Variants in RBM27 observed in about 807,000 individuals in gnomAD.
RBM27 encodes RNA-binding protein 27.
Under a neutral mutation model 135.3 loss-of-function variants are expected in RBM27, and 22 were observed. That is an observed-to-expected ratio of 0.16 (90% CI 0.12 to 0.23). The LOEUF (loss-of-function observed/expected upper bound fraction) is 0.23, where lower values mean the gene tolerates loss of function less well. Among genes scored for constraint, RBM27 ranks in the 10% least tolerant of loss-of-function variants. The pLI, the probability that RBM27 is intolerant of heterozygous loss-of-function variation, is 1.00. For synonymous variants in RBM27, 481 were observed against 442.4 expected, an observed-to-expected ratio of 1.09 and a Z score of -1.10; for missense variants, 1,009 against 1,281.0, an observed-to-expected ratio of 0.79 and a Z score of 3.24.
At position 146,267,688 on chromosome 5, in the gene RBM27, T is replaced by C. The variant is rs1024370976; in HGVS notation, c.2371T>C (p.Ser791Pro). ...AGGCCATCCAAAAATGATTTACAGC[T>C]CCTCAAACTTAAAGACACCTTCAAA... is the stretch of plus-strand genomic sequence containing the variant. ...TPGHPKMIYS[S>P]SNLKTPSKLC... Residue 791 changes from serine to proline, a missense_variant, in exon 15 of 21, where the codon TCC becomes CCC. By Grantham distance (74) the Ser-to-Pro change is moderately conservative (BLOSUM62 -1). This residue lies in a region of RBM27 where 355 missense variants were observed against 427.3 expected (regional missense o/e 0.83). Transcript: ENST00000265271. 11 of 1,601,198 alleles carry C rather than the reference T, an allele frequency of 6.9e-6. No homozygotes were observed. In the African/African-American group the frequency reaches 8.1e-5, roughly 12 times the overall value.
At chr5:146,263,442 G>C in intron 13 of RBM27, 49 bp from the exon 14 acceptor site, 1 of 1,549,106 alleles carries the variant, frequency 6.5e-7, no homozygotes, top group Non-Finnish European at 8.8e-7. Flanking sequence ...ACCATTTCTA[G>C]GCATGTTTTT....
intron 1 of RBM27, among the ~76,000 whole-genome samples, chr5:146,211,389 T>G (rs1755937567): frequency 6.6e-6 from 1 of 151,112 alleles, no homozygotes; most frequent in Non-Finnish European, 1.5e-5. Context: ...TACCAATATA[T>G]GTGTATCTTT....
At chr5:146,208,159 G>A (rs1755782832) in intron 1 of RBM27, among the ~76,000 whole-genome samples, 1 of 151,736 alleles carries the variant, frequency 6.6e-6, no homozygotes, top group Non-Finnish European at 1.5e-5. Context: ...GTTTCACCAC[G>A]TTGGTCAGGC....
At chr5:146,237,150 G>T in intron 7 of RBM27, 148 bp from the exon 8 acceptor site, 1 of 790,372 alleles carries the variant, frequency 1.3e-6, no homozygotes, top group South Asian at 1.7e-5. Flanking sequence ...TGTTGGTCAG[G>T]CTGGTCTCGA....
chr5:146,280,759 C>A (rs903291351), intron 19 of RBM27, among the ~76,000 whole-genome samples: 1 of 152,178 alleles, frequency 6.6e-6, no homozygotes, highest in African/African-American at 2.4e-5. Flanking sequence ...CTCATGAGCC[C>A]GTTTTCAGCT....
At chr5:146,261,447 G>T in intron 12 of RBM27, 63 bp from the exon 13 acceptor site, 1 of 1,352,098 alleles carries the variant, frequency 7.4e-7, no homozygotes, top group South Asian at 1.3e-5. Flanking sequence ...ACATAGCAGT[G>T]GGTCATAATT....
At chr5:146,239,832 T>C (rs553402564) in intron 8 of RBM27, among the ~76,000 whole-genome samples, 2 of 149,088 alleles carry the variant, frequency 1.3e-5, no homozygotes, top group East Asian at 4.0e-4. Context: ...GGCTGAAGTG[T>C]GGTGGTGCCA....
chr5:146,205,527 G>T (rs148554927), intron 1 of RBM27, among the ~76,000 whole-genome samples: 116 of 152,198 alleles, frequency 7.6e-4, no homozygotes, highest in African/African-American at 2.7e-3. Context: ...ATCTCTTTCA[G>T]TGAAAATGAC....
At chr5:146,278,334 A>G (rs1279203716) in intron 19 of RBM27, among the ~76,000 whole-genome samples, 2 of 152,144 alleles carry the variant, frequency 1.3e-5, no homozygotes, top group African/African-American at 4.8e-5. Context: ...ATATATATGT[A>G]TTTTATTTGA....
intron 3 of RBM27, among the ~76,000 whole-genome samples, chr5:146,228,539 C>T (rs1169802940): frequency 2.0e-5 from 3 of 152,012 alleles, no homozygotes; most frequent in African/African-American, 7.3e-5. Context: ...GCCCCGGCCA[C>T]CCAAAGTGCT....
intron 20 of RBM27, among the ~76,000 whole-genome samples, chr5:146,285,122 G>T (rs1251463602): frequency 3.3e-5 from 5 of 151,974 alleles, no homozygotes; most frequent in African/African-American, 1.2e-4. Flanking sequence ...GTGTACAATT[G>T]GTTAAAATCA....
At chr5:146,215,744 C>T (rs1416686680) in intron 1 of RBM27, among the ~76,000 whole-genome samples, 1 of 151,920 alleles carries the variant, frequency 6.6e-6, no homozygotes. Context: ...CCAGGGTAAG[C>T]ATGGCATGTG....
chr5:146,269,650 A>G, intron 17 of RBM27, 66 bp downstream of exon 17: 2 of 1,154,766 alleles, frequency 1.7e-6, no homozygotes, highest in Non-Finnish European at 2.3e-6. Context: ...TGACACCTTG[A>G]AAGTACAATG....
At chr5:146,241,930 A>G (rs1757421920) in intron 8 of RBM27, among the ~76,000 whole-genome samples, 1 of 152,150 alleles carries the variant, frequency 6.6e-6, no homozygotes, top group South Asian at 2.1e-4. Flanking sequence ...AGAATAAAAG[A>G]TAATCTTTTT....
chr5:146,279,278 T>C (rs942982092), intron 19 of RBM27, among the ~76,000 whole-genome samples: 10 of 150,840 alleles, frequency 6.6e-5, no homozygotes, highest in Admixed American at 5.3e-4. Flanking sequence ...TGAAACCCCA[T>C]CTCTACTAAG....
At chr5:146,270,217 G>T (rs1758803804) in intron 17 of RBM27, among the ~76,000 whole-genome samples, 1 of 152,032 alleles carries the variant, frequency 6.6e-6, no homozygotes, top group African/African-American at 2.4e-5. Context: ...TGCTGTACTT[G>T]GTTTAGTCAG....
In RBM27 at chr5:146,288,107, A is replaced by C. The variant is rs187722300; in HGVS notation, c.*2077A>C. 1 of 152,084 alleles carries C rather than the reference A, an allele frequency of 6.6e-6. No individual in the cohort carries two copies. Among genetic ancestry groups the C allele is most frequent in the Non-Finnish European group, 1.5e-5 (1 of 67,926 alleles). The allele number at this position is 152,084 out of a possible 1,614,324, so 9.4% of individuals were successfully genotyped here. On this transcript the variant is annotated 3_prime_UTR_variant, in exon 21 of 21. Coordinates refer to ENST00000265271, the MANE Select transcript of RBM27 (RefSeq NM_018989.2). Reference sequence around the variant, plus strand: ...AACTACCAGCGTATAGATTTCAATAAGAATTGTTGTATTTTTGTATTTGGA... The same window carrying C: ...AACTACCAGCGTATAGATTTCAATACGAATTGTTGTATTTTTGTATTTGGA...
chr5:146,261,698 A>T lies in RBM27; in HGVS notation c.2082A>T (p.Thr694=). The T allele has an allele frequency of 6.2e-7, 1 of 1,614,166 alleles. No individual in the cohort carries two copies. Among genetic ancestry groups the T allele is most frequent in the Non-Finnish European group, 8.5e-7 (1 of 1,180,034 alleles). The change falls in exon 13 of 21, where the codon ACA becomes ACT. Residue 694 remains threonine, a synonymous_variant. Transcript: ENST00000265271. ...SAQLLLQQQQ[T]LSHLSQQHHH... ...AGCTGCTCCTGCAACAACAGCAAAC[A>T]CTTAGTCACCTCTCACAGCAGCACC... is the stretch of plus-strand genomic sequence containing the variant.
chr5:146,206,268 A>C (rs1409388020), intron 1 of RBM27, among the ~76,000 whole-genome samples: 1 of 144,650 alleles, frequency 6.9e-6, no homozygotes, highest in African/African-American at 2.6e-5. Context: ...AAGCTCCCTA[A>C]GATGTTTTAC....
Sources: gnomAD v4.1 joint callset for allele counts (sites outside exome capture counted in the v4.1 genomes callset) on GRCh38, gnomAD v4.1.1 for gene constraint, gnomAD v4.1.1 regional missense constraint, MANE v1.5 for transcripts, NCBI Gene and HGNC (gene_info 2026-07-23, HGNC 2026-07-21) for gene names.